The following TTN variants were observed in gnomAD, a reference collection of about 807,000 sequenced individuals.
TTN encodes the protein titin, also known as connectin.
In TTN, 1,525 loss-of-function variants were observed where a neutral mutation model predicts 3,223.0. The ratio of observed to expected loss-of-function variants is 0.47; its 90% CI spans 0.45 to 0.49. TTN has a LOEUF of 0.49. Among genes scored for constraint, TTN ranks in the 20% least tolerant of loss-of-function variants. The pLI, the probability that TTN is intolerant of heterozygous loss-of-function variation, is 0.00. For missense variants in TTN, 40,786 were observed against 43,424.0 expected (o/e 0.94, Z 5.40); for synonymous variants, 14,094 against 15,161.0 (o/e 0.93, Z 5.17).
intron 49 of TTN, chr2:178,737,221 G>C (rs747997947): frequency 2.0e-5 from 3 of 152,076 alleles, no homozygotes; most frequent in Admixed American, 6.6e-5. Flanking sequence ...TATTTGATGA[G>C]TGTTAACTAT....
At chr2:178,715,813 A>T in intron 88 of TTN, 39 bp from the exon 89 acceptor site, 1 of 1,522,672 alleles carries the variant, frequency 6.6e-7, no homozygotes, top group South Asian at 1.3e-5. Context: ...TAAGGGATGG[A>T]ACAGATGCAT....
Position 178,653,130 on chromosome 2 carries a change from A to T in TTN, c.38792-6T>A. Reference sequence around the variant, plus strand: ...TTCTTTGGGAGCCTCTGGCACTTAAAAGATATTAGGTAAAATTACATTTAG... The same window carrying T: ...TTCTTTGGGAGCCTCTGGCACTTAATAGATATTAGGTAAAATTACATTTAG... On this transcript the variant is annotated splice_polypyrimidine_tract_variant and splice_region_variant and intron_variant, in intron 198 of 362. Coordinates refer to ENST00000589042, the MANE Select transcript of TTN (RefSeq NM_001267550.2). 1.2e-6 allele frequency: 2 copies of T among 1,612,528 alleles called. No homozygotes were observed. The highest frequency in any genetic ancestry group is 2.2e-5 in the South Asian group (2 of 90,894).
intron 41 of TTN, 125 bp from the exon 42 acceptor site, chr2:178,764,936 A>C: frequency 6.8e-6 from 7 of 1,034,922 alleles, no homozygotes; most frequent in Non-Finnish European, 8.5e-6. Context: ...GAATTGTGGT[A>C]TTTTTACTTG....
rs759432194 is a variant in TTN at position 178,571,568 on chromosome 2, G to A, written c.74564C>T (p.Thr24855Ile). ...AACTGTAGCTGATACAATTTGCCAG[G>A]TGGTTGTGGAAGTGTCCCGTTTCTC... ...IVEKRDTSTT[T>I]WQIVSATVAR... is the part of the protein sequence containing the mutation. The change falls in exon 326 of 363, where the codon ACC (threonine) becomes ATC (isoleucine). Residue 24855 changes from threonine (T) to isoleucine (I), a missense_variant. Transcript: ENST00000589042. 69 of 1,613,090 alleles carry A rather than the reference G, an allele frequency of 4.3e-5. No individual in the cohort carries two copies. Among genetic ancestry groups the A allele is most frequent in the Non-Finnish European group, 5.1e-5 (60 of 1,179,572 alleles).
At position 178,563,328 on chromosome 2, in the gene TTN, C is replaced by G. The variant is rs886038821; in HGVS notation, c.82804G>C (p.Val27602Leu). Reference sequence around the variant, plus strand: ...TTGACCTCTACAACATAGCCTTTAACAGGTGCGCCACCATCATAAATTGGC... The same window carrying G: ...TTGACCTCTACAACATAGCCTTTAAGAGGTGCGCCACCATCATAAATTGGC... Reference protein sequence around the residue: ...SKPIYDGGAPVKGYVVEVKEA... With the variant: ...SKPIYDGGAPLKGYVVEVKEA... The change falls in exon 326 of 363, where the codon GTT (valine) becomes CTT (leucine). Residue 27602 changes from valine (V) to leucine (L), a missense_variant. Transcript: ENST00000589042. This position sits in a 1 kb window ranked among gnomAD's most constrained non-coding sequence, Gnocchi z 4.5. 2.5e-6 allele frequency: 4 copies of G among 1,613,540 alleles called. No individual in the cohort carries two copies. In the African/African-American group the frequency reaches 4.0e-5, roughly 16 times the overall value.
In TTN at chr2:178,601,571, G is replaced by A. The variant is rs2154192991; in HGVS notation, c.55433-7C>T. Reference sequence around the variant, plus strand: ...TTGGGTGGGCCTGGTACATCTGTTGGATGTAAATCACAATATAAGCAACGT... The same window carrying A: ...TTGGGTGGGCCTGGTACATCTGTTGAATGTAAATCACAATATAAGCAACGT... On this transcript the variant is annotated splice_polypyrimidine_tract_variant and splice_region_variant and intron_variant, in intron 286 of 362. Transcript: ENST00000589042. 6.2e-7 allele frequency: 1 copy of A among 1,604,388 alleles called. No homozygotes were observed. Among genetic ancestry groups the A allele is most frequent in the East Asian group, 2.2e-5 (1 of 44,682 alleles).
rs2055221235 is a variant in TTN at position 178,607,647 on chromosome 2, C to T, written c.53041G>A (p.Gly17681Arg). The part of the protein sequence containing the change: ...AVELDVSVKG[G>R]IQIMAGKTLR... The stretch of plus-strand genomic sequence containing the variant: ...GTCTTCCCAGCCATTATTTGTATTC[C>T]ACCCTTGACAGAAACATCCAGTTCC... Residue 17681 changes from glycine (G) to arginine (R), a missense_variant, in exon 277 of 363, where the codon GGA becomes AGA. Transcript: ENST00000589042. 2 of 1,613,002 alleles carry T rather than the reference C, an allele frequency of 1.2e-6. No homozygotes were observed. Among genetic ancestry groups the T allele is most frequent in the Non-Finnish European group, 1.7e-6 (2 of 1,179,348 alleles).
chr2:178,551,687 C>G lies in TTN; in HGVS notation c.91213G>C (p.Ala30405Pro), dbSNP rs774774999. The change falls in exon 335 of 363, where the codon GCT (alanine) becomes CCT (proline). Residue 30405 changes from alanine (A) to proline (P), a missense_variant. By Grantham distance (27) the Ala-to-Pro change is conservative. Transcript: ENST00000589042. The part of the protein sequence containing the change: ...YQFRVYAENS[A>P]GLSSPSDPSK... ...GGGTCACTAGGTGAGCTTAGGCCAG[C>G]AGAATTTTCAGCATATACACGGAAT... is the stretch of plus-strand genomic sequence containing the variant. The G allele has an allele frequency of 6.2e-7, 1 of 1,611,610 alleles. No individual in the cohort carries two copies. Among genetic ancestry groups the G allele is most frequent in the African/African-American group, 1.3e-5 (1 of 74,808 alleles).
At chr2:178,701,349 T>G (rs1266056987) in intron 110 of TTN, 146 bp from the exon 111 acceptor site, 1 of 1,021,984 alleles carries the variant, frequency 9.8e-7, no homozygotes, top group Non-Finnish European at 1.4e-6. Flanking sequence ...TAGCATTTAT[T>G]TATAACTGGA....
intron 330 of TTN, 151 bp downstream of exon 330, chr2:178,556,697 T>C: frequency 1.1e-6 from 1 of 873,706 alleles, no homozygotes; most frequent in Non-Finnish European, 1.7e-6. Flanking sequence ...TTAAGGAATT[T>C]TCCTCAGACT....
rs1238039888 is a variant in TTN at position 178,531,593 on chromosome 2, C to T, written c.105022G>A (p.Asp35008Asn). The T allele has an allele frequency of 8.1e-6, 13 of 1,613,844 alleles. No homozygotes were observed. The highest frequency in any genetic ancestry group is 1.3e-5 in the African/African-American group (1 of 74,902). The change falls in exon 358 of 363, where the codon GAC becomes AAC. Residue 35008 changes from aspartate (D) to asparagine (N), a missense_variant. Transcript: ENST00000589042. ...CACACAGCACGGTAGGTTCCACTGT[C>T]ATCAGTATGACAGTCCAGAATTTCC... Reference protein sequence around the residue: ...TLEILDCHTDDSGTYRAVCTN... With the variant: ...TLEILDCHTDNSGTYRAVCTN...
rs1481731552 is a variant in TTN at position 178,553,487 on chromosome 2, C to T, written c.89503+15G>A. The T allele has an allele frequency of 5.7e-6, 9 of 1,589,500 alleles. No homozygotes were observed. The highest frequency in any genetic ancestry group is 3.4e-4 in the Middle Eastern group (2 of 5,954). On this transcript the variant is annotated intron_variant, in intron 334 of 362. Transcript: ENST00000589042. ...ATGCTTATTAAAAAACATAATCAAA[C>T]CAGTAGGTACATACCAAGTATATCT...
At chr2:178,745,038 T>G (rs1043296533) in intron 47 of TTN, 1 of 986,776 alleles carries the variant, frequency 1.0e-6, no homozygotes, top group African/African-American at 1.8e-5. Flanking sequence ...GATTATAGAG[T>G]TAGTTGCCAA....
At position 178,574,697 on chromosome 2, in the gene TTN, C is replaced by T. The variant is rs1363526137; in HGVS notation, c.71435G>A (p.Gly23812Asp). The change falls in exon 326 of 363, where the codon GGC becomes GAC. Residue 23812 changes from glycine (G) to aspartate (D), a missense_variant. Transcript: ENST00000589042. ...KAQNRYGVGP[G>D]ITSACIVANY... The stretch of plus-strand genomic sequence containing the variant: ...GGCAACTATGCATGCTGATGTGATG[C>T]CTGGTCCAACTCCATATCTATTCTG... The T allele has an allele frequency of 3.7e-6, 6 of 1,613,266 alleles. No homozygotes were observed. The highest frequency in any genetic ancestry group is 1.3e-5 in the African/African-American group (1 of 74,992).
rs200154082 is a variant in TTN, at chr2:178,569,594, T to G, written c.76538A>C (p.Asp25513Ala). Residue 25513 changes from aspartate to alanine, a missense_variant, in exon 326 of 363, where the codon GAC becomes GCC. Asp to Ala is a moderately radical substitution (Grantham distance 126). Transcript: ENST00000589042. ...ATTTATGATTTTCCTTAGTTCTAGG[T>G]CAAGATCAATGTCTGGTGCTTCTAA... is the stretch of plus-strand genomic sequence containing the variant. ...EKLEAPDIDL[D>A]LELRKIINIR... 45 of 1,612,574 alleles carry G rather than the reference T, an allele frequency of 2.8e-5. No homozygotes were observed. The highest frequency in any genetic ancestry group is 3.5e-5 in the Non-Finnish European group (41 of 1,179,354).
Position 178,720,026 on chromosome 2 carries a change from G to A in TTN, c.23616C>T (p.Asn7872=), listed in dbSNP as rs181206334. ...CAGAGCATTCTCTCATTCCAGCATC[G>A]TTTTTGATTTGGCATATATATTTTC... ...NSGKYICQIK[N]DAGMRECSAV... Residue 7872 remains asparagine, a synonymous_variant, in exon 81 of 363, where the codon AAC becomes AAT. Transcript: ENST00000589042. 8.1e-5 allele frequency: 130 copies of A among 1,613,014 alleles called. No homozygotes were observed. Among genetic ancestry groups the A allele is most frequent in the Non-Finnish European group, 7.5e-5 (88 of 1,179,346 alleles).
chr2:178,740,892 A>C lies in TTN; in HGVS notation c.12341T>G (p.Leu4114Trp). ...CTTGTCTTGCTCCAAAATGGATTGC[A>C]ATTCCTGAGCTCCCAAAGGAAGCTG... ...SSQLPLGAQE[L>W]QSILEQDKLT... The change falls in exon 48 of 363, where the codon TTG (leucine) becomes TGG (tryptophan). Residue 4114 changes from leucine to tryptophan, a missense_variant. Transcript: ENST00000589042. The C allele has an allele frequency of 6.2e-7, 1 of 1,613,916 alleles. No individual in the cohort carries two copies. Among genetic ancestry groups the C allele is most frequent in the Non-Finnish European group, 8.5e-7 (1 of 1,179,836 alleles).
chr2:178,588,433 G>T, intron 304 of TTN, 105 bp downstream of exon 304: 1 of 1,328,498 alleles, frequency 7.5e-7, no homozygotes, highest in Non-Finnish European at 1.0e-6. Context: ...GCTAAATACA[G>T]TTTGGATGTT....
chr2:178,586,917 G>A (rs2049119281), intron 307 of TTN, 110 bp from the exon 308 acceptor site: 1 of 1,437,620 alleles, frequency 7.0e-7, no homozygotes, highest in South Asian at 1.3e-5. Flanking sequence ...CATAGAACCT[G>A]TAGTTCAGTA....
Sources: allele counts gnomAD v4.1 joint callset, GRCh38; gene constraint gnomAD v4.1.1; non-coding constraint Gnocchi (gnomAD v3.1); transcripts MANE v1.5; gene names NCBI Gene and HGNC (gene_info 2026-07-23, HGNC 2026-07-21).